The following TMTC2 variants were observed in gnomAD, a reference collection of about 807,000 sequenced individuals.
The protein encoded by TMTC2 is transmembrane O-mannosyltransferase targeting cadherins 2, also known as protein O-mannosyl-transferase TMTC2.
A neutral mutation model predicts 82.4 loss-of-function variants in TMTC2; 43 were observed. That is an observed-to-expected ratio of 0.52 (90% CI 0.41 to 0.67). The LOEUF (loss-of-function observed/expected upper bound fraction) is 0.67, where lower values mean the gene tolerates loss of function less well. Ranked by LOEUF, TMTC2 falls within the 30% of genes least tolerant of loss-of-function variation. TMTC2 has a pLI of 0.00. For synonymous variants in TMTC2, 408 were observed against 381.9 expected (o/e 1.07, Z -0.80); for missense variants, 919 against 1,012.4 (o/e 0.91, Z 1.25).
intron 7 of TMTC2, among the ~76,000 whole-genome samples, chr12:82,967,667 A>G (rs1878272043): frequency 6.6e-6 from 1 of 152,134 alleles, no homozygotes; most frequent in African/African-American, 2.4e-5. Flanking sequence ...TCAGCATATG[A>G]CACTTGGAAA....
At chr12:82,900,802 TATATATATATAGGAATATATATACCTGGA>T (rs1873957770) in intron 3 of TMTC2, among the ~76,000 whole-genome samples, 1 of 128,702 alleles carries the variant, frequency 7.8e-6, no homozygotes, top group African/African-American at 2.9e-5. Context: ...ATACCTGGAA[TATATATATATAGGAATATATATACCTGGA>T]ATATATATAT....
intron 3 of TMTC2, among the ~76,000 whole-genome samples, chr12:82,927,860 T>C (rs1412821653): frequency 1.3e-5 from 2 of 152,222 alleles, no homozygotes; most frequent in Non-Finnish European, 2.9e-5. Context: ...CCATTATTTT[T>C]TAGACATCAT....
intron 1 of TMTC2, among the ~76,000 whole-genome samples, chr12:82,715,882 A>C (rs1273859928): frequency 6.6e-6 from 1 of 152,220 alleles, no homozygotes; most frequent in Admixed American, 6.5e-5. Flanking sequence ...CTGTGACTGT[A>C]TCAGCCATGA....
chr12:82,701,527 G>A (rs1319521255), intron 1 of TMTC2, among the ~76,000 whole-genome samples: 2 of 150,538 alleles, frequency 1.3e-5, no homozygotes, highest in South Asian at 2.1e-4. Flanking sequence ...CGAGGCGGGC[G>A]GATCACCTGA....
chr12:83,058,966 G>A (rs537380642), intron 10 of TMTC2, among the ~76,000 whole-genome samples: 1 of 151,862 alleles, frequency 6.6e-6, no homozygotes, highest in South Asian at 2.1e-4. Flanking sequence ...AATAATAATT[G>A]CTTCATGGTG....
At position 82,907,880 on chromosome 12, in the gene TMTC2, G is replaced by A. The variant is rs1237826962; in HGVS notation, c.1483+11234G>A. On this transcript the variant is annotated intron_variant, in intron 3 of 11. Transcript: ENST00000321196. ...TGTAATCCCAGCACTCTAGGAGGCCGAGGTGGGCAGATCATGAGGTCAGGA... is the reference window on the plus strand; with the variant it reads ...TGTAATCCCAGCACTCTAGGAGGCCAAGGTGGGCAGATCATGAGGTCAGGA... Among the ~76,000 whole-genome samples, 6 of 152,132 alleles carry A rather than the reference G, an allele frequency of 3.9e-5. 1 individual carries two copies. In the Middle Eastern group the frequency reaches 0.014, roughly 345 times the overall value.
At chr12:82,744,737 G>A (rs892566745) in intron 1 of TMTC2, among the ~76,000 whole-genome samples, 12 of 152,072 alleles carry the variant, frequency 7.9e-5, no homozygotes, top group East Asian at 1.9e-4. Flanking sequence ...ATTATGTCAC[G>A]TGTTGACCCC....
chr12:82,835,387 TC>T (rs1043725754), intron 1 of TMTC2, among the ~76,000 whole-genome samples: 1 of 152,222 alleles, frequency 6.6e-6, no homozygotes, highest in African/African-American at 2.4e-5. Context: ...CATTGACTCT[TC>T]CTTTCTCCTA....
intron 8 of TMTC2, among the ~76,000 whole-genome samples, chr12:83,017,652 G>T (rs1046525708): frequency 1.3e-5 from 2 of 152,052 alleles, no homozygotes; most frequent in African/African-American, 2.4e-5. Flanking sequence ...TTCCTTTACC[G>T]CATGGTAGAC....
chr12:82,822,861 C>T (rs1869196731), intron 1 of TMTC2, among the ~76,000 whole-genome samples: 1 of 152,196 alleles, frequency 6.6e-6, no homozygotes, highest in African/African-American at 2.4e-5. Flanking sequence ...GTATTCTCCA[C>T]TTTCCACGTG....
chr12:83,131,809 G>T (rs1300378121), intron 11 of TMTC2, among the ~76,000 whole-genome samples: 1 of 152,160 alleles, frequency 6.6e-6, no homozygotes, highest in South Asian at 2.1e-4. Flanking sequence ...ATATGGATTT[G>T]TCAACTTTAC....
chr12:82,920,211 A>T (rs1875302909), intron 3 of TMTC2, among the ~76,000 whole-genome samples: 1 of 152,192 alleles, frequency 6.6e-6, no homozygotes, highest in Non-Finnish European at 1.5e-5. Flanking sequence ...AAAAAATCTT[A>T]AAAAACTTTC....
chr12:83,056,738 T>C (rs1882558830), intron 10 of TMTC2, among the ~76,000 whole-genome samples: 1 of 151,922 alleles, frequency 6.6e-6, no homozygotes, highest in Non-Finnish European at 1.5e-5. Context: ...TTATAAGTTA[T>C]ATTTTACTTC....
At chr12:83,109,470 T>C (rs1884527104) in intron 11 of TMTC2, among the ~76,000 whole-genome samples, 2 of 151,790 alleles carry the variant, frequency 1.3e-5, no homozygotes, top group Non-Finnish European at 3.0e-5. Flanking sequence ...TCCCCAATTC[T>C]TGAAATATTT....
intron 11 of TMTC2, among the ~76,000 whole-genome samples, chr12:83,129,824 A>G (rs1457442887): frequency 1.3e-5 from 2 of 152,326 alleles, no homozygotes; most frequent in African/African-American, 2.4e-5. Flanking sequence ...CCATTTGTAA[A>G]GGAAACTGAG....
At chr12:82,876,146 T>G (rs888152738) in intron 2 of TMTC2, among the ~76,000 whole-genome samples, 1 of 145,928 alleles carries the variant, frequency 6.9e-6, no homozygotes, top group Non-Finnish European at 1.5e-5. Context: ...GTGGTGGTGG[T>G]GGTGGTGGTA....
intron 10 of TMTC2, among the ~76,000 whole-genome samples, chr12:83,061,210 T>C (rs931382746): frequency 2.0e-5 from 3 of 151,834 alleles, no homozygotes; most frequent in African/African-American, 7.2e-5. Flanking sequence ...GGTTAAGTCA[T>C]GTGCTATAAC....
intron 1 of TMTC2, among the ~76,000 whole-genome samples, chr12:82,688,820 C>T (rs1282250812): frequency 6.6e-6 from 1 of 152,128 alleles, no homozygotes; most frequent in African/African-American, 2.4e-5. Context: ...AAGTGGTTGA[C>T]AGTGAGGGGA....
rs548988881 is a variant in TMTC2, at chr12:83,125,461, G to A, written c.2332-6749G>A. The stretch of plus-strand genomic sequence containing the variant: ...TTAAGAACAGGTGGGTCACCAAAGA[G>A]GAAATATAAAGAGCTTATAACCTTA... On this transcript the variant is annotated intron_variant, in intron 11 of 11. Coordinates refer to ENST00000321196, the MANE Select transcript of TMTC2 (RefSeq NM_152588.3). Among the ~76,000 whole-genome samples the A allele has an allele frequency of 4.7e-4, 72 of 152,220 alleles. 1 individual carries two copies. Among genetic ancestry groups the A allele is most frequent in the African/African-American group, 1.7e-3 (69 of 41,544 alleles).
Sources: gnomAD v4.1 joint callset for allele counts (sites outside exome capture counted in the v4.1 genomes callset) on GRCh38, gnomAD v4.1.1 for gene constraint, MANE v1.5 for transcripts, NCBI Gene and HGNC (gene_info 2026-07-23, HGNC 2026-07-21) for gene names.